ADNP: variants seen among roughly 807,000 people sequenced by gnomAD.
ADNP encodes activity-dependent neuroprotector homeobox protein.
ADNP carries 4 observed loss-of-function variants against 84.9 expected under a neutral mutation model. The observed-to-expected ratio is 0.05, with a 90% CI of 0.02 to 0.11. The LOEUF (loss-of-function observed/expected upper bound fraction) is 0.11, where lower values mean the gene tolerates loss of function less well. Among genes scored for constraint, ADNP ranks in the 10% least tolerant of loss-of-function variants. The pLI, the probability that ADNP is intolerant of heterozygous loss-of-function variation, is 1.00. For synonymous variants in ADNP, 554 were observed against 468.1 expected, an observed-to-expected ratio of 1.18 and a Z score of -2.37; for missense variants, 1,132 against 1,326.0, an observed-to-expected ratio of 0.85 and a Z score of 2.27.
chr20:50,909,689 GCCT>G (rs1276647259), intron 2 of ADNP: 1 of 152,136 alleles, frequency 6.6e-6, no homozygotes, highest in Non-Finnish European at 1.5e-5. Context: ...TGCCTGCCCA[GCCT>G]CCTCTTGGAA....
intron 2 of ADNP, among the ~76,000 whole-genome samples, chr20:50,916,898 C>T (rs1983551597): frequency 6.6e-6 from 1 of 152,110 alleles, no homozygotes. Context: ...AACAAGTGTC[C>T]AGTGCAGGCC....
chr20:50,901,858 C>T (rs1270224049), intron 5 of ADNP, among the ~76,000 whole-genome samples, 159 bp downstream of exon 5: 2 of 152,172 alleles, frequency 1.3e-5, no homozygotes, highest in Admixed American at 1.3e-4. Context: ...AAAAGTTTTT[C>T]TTAGTCTTCC....
rs945482187 is a variant in ADNP at position 50,890,132 on chromosome 20, A to T, written c.*1273T>A. 1.1e-3 allele frequency: 29 copies of T among 25,498 alleles called. No homozygotes were observed. The highest frequency in any genetic ancestry group is 6.2e-3 in the African/African-American group (4 of 646). 1.6% of individuals were successfully genotyped at this position (25,498 alleles called of 1,614,324 possible). Reference sequence around the variant, plus strand: ...ACTCAAGGGTGTTTGTTTTTCAGTTAAAAAAAAAAAAAAAAAAAAAAAAAA... The same window carrying T: ...ACTCAAGGGTGTTTGTTTTTCAGTTTAAAAAAAAAAAAAAAAAAAAAAAAA... On this transcript the variant is annotated 3_prime_UTR_variant, in exon 6 of 6. Transcript: ENST00000621696.
chr20:50,913,969 T>C (rs1983298431), intron 2 of ADNP: 2 of 720,608 alleles, frequency 2.8e-6, no homozygotes, highest in Non-Finnish European at 5.1e-6. Flanking sequence ...GACTGCTGTT[T>C]GTGCTGGCCA....
Position 50,926,096 on chromosome 20 carries a change from T to TCAAA in ADNP, c.-90+2551_-90+2554dup, listed in dbSNP as rs554459423. On this transcript the variant is annotated intron_variant, in intron 2 of 5. Coordinates refer to ENST00000621696, the MANE Select transcript of ADNP (RefSeq NM_001282531.3). ...GCCTGGGAGACAGAGCAAGACTGTC[T>TCAAA]CAAACAAACAAACAAACAACACACA... 5.7e-4 allele frequency among the ~76,000 whole-genome samples: 87 copies of TCAAA among 152,218 alleles called. 1 individual carries two copies. Among genetic ancestry groups the TCAAA allele is most frequent in the East Asian group, 1.3e-3 (7 of 5,186 alleles).
intron 5 of ADNP, among the ~76,000 whole-genome samples, chr20:50,897,257 A>C (rs1290477115): frequency 1.3e-5 from 2 of 152,114 alleles, no homozygotes; most frequent in Non-Finnish European, 2.9e-5. Context: ...TTTCAGACTT[A>C]AGGAGCTTGC....
intron 5 of ADNP, among the ~76,000 whole-genome samples, chr20:50,898,892 T>C (rs987194493): frequency 1.3e-5 from 2 of 152,236 alleles, no homozygotes; most frequent in Non-Finnish European, 2.9e-5. Flanking sequence ...GGTTTTTAAC[T>C]GTCATTATCA....
intron 1 of ADNP, among the ~76,000 whole-genome samples, chr20:50,929,048 CT>C (rs1984473933): frequency 6.6e-6 from 1 of 151,414 alleles, no homozygotes; most frequent in South Asian, 2.1e-4. Context: ...ACCAACAAGG[CT>C]TTGCAAATCA....
rs181816925 is a variant in ADNP at position 50,892,495 on chromosome 20, C to G, written c.2219G>C (p.Ser740Thr). 6.2e-7 allele frequency: 1 copy of G among 1,614,176 alleles called. No homozygotes were observed. The highest frequency in any genetic ancestry group is 8.5e-7 in the Non-Finnish European group (1 of 1,180,036). Residue 740 changes from serine (S) to threonine (T), a missense_variant, in exon 6 of 6, where the codon AGC (serine) becomes ACC (threonine). By Grantham distance (58) the Ser-to-Thr change is moderately conservative. Around this residue, in one of 10 missense-constraint regions of ADNP, gnomAD observed 101 missense variants for 78.5 expected, o/e 1.29. Coordinates refer to ENST00000621696, the MANE Select transcript of ADNP (RefSeq NM_001282531.3). ...RKLDDDSDSP[S>T]FFEEKPEEPV... is the part of the protein sequence containing the mutation. ...CTCTTCAGGCTTCTCTTCAAAGAAG[C>G]TGGGTGAATCACTATCATCATCTAA...
chr20:50,905,743 C>A (rs556498664), intron 2 of ADNP, among the ~76,000 whole-genome samples: 7 of 152,226 alleles, frequency 4.6e-5, no homozygotes, highest in Non-Finnish European at 1.0e-4. Context: ...CCTGCTCTCT[C>A]TGCTATGCTA....
rs1222918453 is a variant in ADNP at position 50,889,472 on chromosome 20, GC to G, written c.*1932del. On this transcript the variant is annotated 3_prime_UTR_variant, in exon 6 of 6. Coordinates refer to ENST00000621696, the MANE Select transcript of ADNP (RefSeq NM_001282531.3). The stretch of plus-strand genomic sequence containing the variant: ...ACAGATGCAACATAGCTCCGTTCCA[GC>G]CCCAAATTCCTTAAAGGTTCTAGTC... 1.2e-5 allele frequency: 2 copies of G among 165,646 alleles called. No individual in the cohort carries two copies. Among genetic ancestry groups the G allele is most frequent in the East Asian group, 3.2e-4 (2 of 6,244 alleles). The allele number at this position is 165,646 out of a possible 1,614,324, so 10.3% of individuals were successfully genotyped here.
intron 5 of ADNP, among the ~76,000 whole-genome samples, chr20:50,896,868 G>A (rs990190664): frequency 2.6e-5 from 4 of 152,166 alleles, no homozygotes; most frequent in Non-Finnish European, 4.4e-5. Context: ...TTGATTGTAA[G>A]CAGATAATGA....
In ADNP at chr20:50,889,064, T is replaced by C. The variant is rs894166146; in HGVS notation, c.*2341A>G. ...GCAACAATATTCTTTTAAAATGGCT[T>C]TTATTGAGACACTTGTAGGGATTCT... On this transcript the variant is annotated 3_prime_UTR_variant, in exon 6 of 6. Coordinates refer to ENST00000621696, the MANE Select transcript of ADNP (RefSeq NM_001282531.3). 2 of 152,204 alleles carry C rather than the reference T, an allele frequency of 1.3e-5. No individual in the cohort carries two copies. Among genetic ancestry groups the C allele is most frequent in the Admixed American group, 1.3e-4 (2 of 15,284 alleles). The allele number at this position is 152,204 out of a possible 1,614,324, so 9.4% of individuals were successfully genotyped here.
At chr20:50,926,037 T>C (rs1243144507) in intron 2 of ADNP, among the ~76,000 whole-genome samples, 1 of 152,156 alleles carries the variant, frequency 6.6e-6, no homozygotes, top group African/African-American at 2.4e-5. Context: ...GAAGCAGAGG[T>C]TGCAGTGAGC....
intron 2 of ADNP, among the ~76,000 whole-genome samples, chr20:50,925,729 A>G (rs1347306615): frequency 6.6e-6 from 1 of 152,252 alleles, no homozygotes; most frequent in African/African-American, 2.4e-5. Flanking sequence ...AACTAACAAC[A>G]TAGAAGGTGT....
At chr20:50,922,210 G>A (rs1303124117) in intron 2 of ADNP, among the ~76,000 whole-genome samples, 6 of 152,102 alleles carry the variant, frequency 3.9e-5, no homozygotes, top group South Asian at 4.2e-4. Flanking sequence ...CCCAAGCAGC[G>A]GACACCAGCT....
chr20:50,925,198 C>T lies in ADNP; in HGVS notation c.-90+3453G>A, dbSNP rs187649506. Among the ~76,000 whole-genome samples, 11 of 151,638 alleles carry T rather than the reference C, an allele frequency of 7.3e-5. No homozygotes were observed. The East Asian group carries it at 2.1e-3, about 29-fold the overall frequency. On this transcript the variant is annotated intron_variant, in intron 2 of 5. Transcript: ENST00000621696. ...TTTTTCATTGATTAGAATAAAAAAA[C>T]GTGTGCCCTGCAATCAAAACTGTCA...
chr20:50,911,355 CTT>C (rs1163652023), intron 2 of ADNP, among the ~76,000 whole-genome samples: 4 of 152,110 alleles, frequency 2.6e-5, no homozygotes, highest in African/African-American at 7.2e-5. Context: ...TTTTTTCTAT[CTT>C]GAGTTGATTT....
intron 2 of ADNP, chr20:50,914,271 G>C: frequency 2.8e-6 from 2 of 704,292 alleles, no homozygotes; most frequent in Non-Finnish European, 5.2e-6. Context: ...TCTGTGATAA[G>C]AGTGGAAGAA....
Sources: allele counts gnomAD v4.1 joint callset (sites outside exome capture counted in the v4.1 genomes callset), GRCh38; gene constraint gnomAD v4.1.1; regional missense constraint gnomAD v4.1.1; transcripts MANE v1.5; gene names NCBI Gene and HGNC (gene_info 2026-07-23, HGNC 2026-07-21).